Variants in MS4A3 observed in about 807,000 individuals in gnomAD.
MS4A3 encodes membrane-spanning 4-domains subfamily A member 3.
MS4A3 carries 18 observed loss-of-function variants against 24.7 expected under a neutral mutation model. The ratio of observed to expected loss-of-function variants is 0.73; its 90% CI spans 0.50 to 1.08. The LOEUF is 1.08. Ranked by LOEUF, MS4A3 falls within the 50% of genes least tolerant of loss-of-function variation. The pLI, the probability that MS4A3 is intolerant of heterozygous loss-of-function variation, is 0.00. For synonymous variants in MS4A3, 84 were observed against 95.3 expected (o/e 0.88, Z 0.69); for missense variants, 282 against 251.7 (o/e 1.12, Z -0.82).
At chr11:60,066,063 T>A (rs911858248) in intron 4 of MS4A3, among the ~76,000 whole-genome samples, 2 of 152,252 alleles carry the variant, frequency 1.3e-5, no homozygotes, top group Non-Finnish European at 2.9e-5. Flanking sequence ...CTGATGGGAA[T>A]GTCATCCTTC....
Position 60,057,094 on chromosome 11 carries a change from A to C in MS4A3, c.-16+354A>C, listed in dbSNP as rs532675790. 5.9e-5 allele frequency among the ~76,000 whole-genome samples: 9 copies of C among 152,286 alleles called. No homozygotes were observed. The South Asian group carries it at 1.9e-3, about 32-fold the overall frequency. The stretch of plus-strand genomic sequence containing the variant: ...GATATGCCTGAAGTATGGGGTCTGC[A>C]AAGTGCATTTTAGCATAGCTCAGGG... On this transcript the variant is annotated intron_variant, in intron 1 of 6. Coordinates refer to ENST00000278865, the MANE Select transcript of MS4A3 (RefSeq NM_006138.5).
At chr11:60,069,810 G>A in intron 6 of MS4A3, 135 bp downstream of exon 6, 1 of 736,486 alleles carries the variant, frequency 1.4e-6, no homozygotes, top group Non-Finnish European at 2.3e-6. Context: ...GAGATTGTAT[G>A]AATGTTAGAG....
rs1330249041 is a variant in MS4A3, at chr11:60,067,073, G to T, written c.474G>T (p.Glu158Asp). ...QSLRSCHSSS[E>D]SPDLCNYMGS... ...TAAGGAGTTGTCACTCTTCATCAGA[G>T]TCACCGGACCTATGCAATTACATGG... is the stretch of plus-strand genomic sequence containing the variant. The change falls in exon 5 of 7, where the codon GAG becomes GAT. Residue 158 changes from glutamate to aspartate, a missense_variant. Coordinates refer to ENST00000278865, the MANE Select transcript of MS4A3 (RefSeq NM_006138.5). 4 of 1,612,606 alleles carry T rather than the reference G, an allele frequency of 2.5e-6. No homozygotes were observed. The highest frequency in any genetic ancestry group is 3.4e-6 in the Non-Finnish European group (4 of 1,179,622).
At chr11:60,063,708 G>A (rs1052680768) in intron 3 of MS4A3, among the ~76,000 whole-genome samples, 12 of 152,174 alleles carry the variant, frequency 7.9e-5, no homozygotes, top group Admixed American at 2.0e-4. Context: ...ATTTGTTTTT[G>A]GCTTCTTCGT....
intron 3 of MS4A3, 120 bp downstream of exon 3, chr11:60,062,725 T>C (rs533855): frequency 0.63 from 635,501 of 1,005,174 alleles, 201,842 homozygotes; most frequent in East Asian, 0.79. Context: ...GGTTTTGATT[T>C]GCAATTCTTG....
chr11:60,067,204 A>T, intron 5 of MS4A3, 92 bp downstream of exon 5: 1 of 923,214 alleles, frequency 1.1e-6, no homozygotes. Flanking sequence ...ATGTGCCATA[A>T]TTTGAATCTT....
Position 60,061,322 on chromosome 11 carries a change from T to A in MS4A3, c.156+6T>A, listed in dbSNP as rs1855270975. 1 of 1,603,478 alleles carries A rather than the reference T, an allele frequency of 6.2e-7. No homozygotes were observed. The highest frequency in any genetic ancestry group is 1.1e-5 in the South Asian group (1 of 88,820). On this transcript the variant is annotated splice_donor_region_variant and intron_variant, in intron 2 of 6. Transcript: ENST00000278865. ...CAAAATTACAAGTTCTTGGGGTAAG[T>A]CAGCCTTAGTTTAAACACTGATTTA... is the stretch of plus-strand genomic sequence containing the variant.
chr11:60,069,495 G>A (rs1437273371), intron 5 of MS4A3, 79 bp from the exon 6 acceptor site: 22 of 913,856 alleles, frequency 2.4e-5, no homozygotes, highest in Non-Finnish European at 3.4e-5. Flanking sequence ...AGATGTTGTA[G>A]TCTGGTTTCC....
chr11:60,069,716 AGCCT>A, intron 6 of MS4A3, 41 bp downstream of exon 6: 5 of 1,456,450 alleles, frequency 3.4e-6, no homozygotes, highest in Non-Finnish European at 4.8e-6. Flanking sequence ...ATGATCTCAA[AGCCT>A]CCCTGTAGGG....
intron 3 of MS4A3, among the ~76,000 whole-genome samples, chr11:60,063,920 A>G (rs1855317391): frequency 6.6e-6 from 1 of 152,150 alleles, no homozygotes; most frequent in Admixed American, 6.6e-5. Flanking sequence ...TGCAGTGTAT[A>G]CTGTTTGGGT....
chr11:60,064,100 T>G (rs964931203), intron 3 of MS4A3, among the ~76,000 whole-genome samples, 162 bp from the exon 4 acceptor site: 1 of 151,170 alleles, frequency 6.6e-6, no homozygotes, highest in African/African-American at 2.4e-5. Flanking sequence ...AATAAATAAA[T>G]AAAGTGAGCA....
Position 60,061,288 on chromosome 11 carries a change from A to G in MS4A3, c.128A>G (p.Tyr43Cys), listed in dbSNP as rs1207907222. 6.2e-7 allele frequency: 1 copy of G among 1,611,078 alleles called. No homozygotes were observed. Among genetic ancestry groups the G allele is most frequent in the Non-Finnish European group, 8.5e-7 (1 of 1,179,238 alleles). ...CAGCCCATAGATGGATCACCAGATT[A>G]TCAGAAAGCAAAATTACAAGTTCTT... is the stretch of plus-strand genomic sequence containing the variant. ...VYQPIDGSPD[Y>C]QKAKLQVLGA... The change falls in exon 2 of 7, where the codon TAT (tyrosine) becomes TGT (cysteine). Residue 43 changes from tyrosine (Y) to cysteine (C), a missense_variant. Transcript: ENST00000278865.
At chr11:60,062,265 G>T (rs1441480749) in intron 2 of MS4A3, among the ~76,000 whole-genome samples, 1 of 152,138 alleles carries the variant, frequency 6.6e-6, no homozygotes, top group Admixed American at 6.5e-5. Flanking sequence ...GAGAGGTGAA[G>T]ACAAAATGCT....
chr11:60,062,735 G>T, intron 3 of MS4A3, 130 bp downstream of exon 3: 1 of 798,676 alleles, frequency 1.3e-6, no homozygotes, highest in Non-Finnish European at 1.9e-6. Context: ...TGCAATTCTT[G>T]ATATAAACAA....
intron 2 of MS4A3, among the ~76,000 whole-genome samples, 199 bp from the exon 3 acceptor site, chr11:60,062,269 A>C (rs1284451017): frequency 6.6e-6 from 1 of 152,212 alleles, no homozygotes; most frequent in East Asian, 1.9e-4. Context: ...GGTGAAGACA[A>C]AATGCTGCCA....
At chr11:60,069,338 C>A (rs1043973729) in intron 5 of MS4A3, among the ~76,000 whole-genome samples, 1 of 152,192 alleles carries the variant, frequency 6.6e-6, no homozygotes, top group African/African-American at 2.4e-5. Context: ...GTAGCTACTT[C>A]ACATGCGTTG....
At chr11:60,064,667 C>T (rs1407743895) in intron 4 of MS4A3, among the ~76,000 whole-genome samples, 6 of 152,208 alleles carry the variant, frequency 3.9e-5, no homozygotes, top group Admixed American at 2.6e-4. Flanking sequence ...TAAACAACTG[C>T]TAAGTCTCTA....
intron 2 of MS4A3, 109 bp from the exon 3 acceptor site, chr11:60,062,359 A>C (rs1855289739): frequency 7.5e-7 from 1 of 1,325,850 alleles, no homozygotes; most frequent in Non-Finnish European, 1.1e-6. Context: ...TTGACACTTT[A>C]ACCATTTCAA....
intron 4 of MS4A3, among the ~76,000 whole-genome samples, chr11:60,065,392 A>AAAAACAAAACAAAAC (rs554954053): frequency 6.6e-6 from 1 of 152,026 alleles, no homozygotes; most frequent in Non-Finnish European, 1.5e-5. Flanking sequence ...TTCTCAACTT[A>AAAAACAAAACAAAAC]AAAACAAAAC....
Sources: allele counts gnomAD v4.1 joint callset (sites outside exome capture counted in the v4.1 genomes callset), GRCh38; gene constraint gnomAD v4.1.1; transcripts MANE v1.5; gene names NCBI Gene and HGNC (gene_info 2026-07-23, HGNC 2026-07-21).